GDNF: variants seen among roughly 807,000 people sequenced by gnomAD.
The protein encoded by GDNF is glial cell derived neurotrophic factor.
In GDNF, 5 loss-of-function variants were observed where a neutral mutation model predicts 13.7. That is an observed-to-expected ratio of 0.36 (90% CI 0.19 to 0.77). The LOEUF is 0.77. GDNF is among the 30% of genes least tolerant of loss of function. The probability of loss-of-function intolerance (pLI) is 0.51; values close to 1 mark genes in which losing one functional copy is unlikely to be tolerated. For synonymous variants in GDNF, 122 were observed against 112.5 expected (o/e 1.08, Z -0.53); for missense variants, 246 against 274.3 (o/e 0.90, Z 0.73).
At chr5:37,824,065 AATC>A in intron 2 of GDNF, 2 of 982,710 alleles carry the variant, frequency 2.0e-6, no homozygotes, top group Non-Finnish European at 2.4e-6. Flanking sequence ...TCTTCTCTTA[AATC>A]ATCAAGTCAT....
Position 37,815,267 on chromosome 5 carries a change from C to T in GDNF, c.*384G>A, listed in dbSNP as rs1448493086. 12 of 303,870 alleles carry T rather than the reference C, an allele frequency of 3.9e-5. No individual in the cohort carries two copies. Among genetic ancestry groups the T allele is most frequent in the Non-Finnish European group, 6.3e-5 (10 of 158,602 alleles). 18.8% of individuals were successfully genotyped at this position (303,870 alleles called of 1,614,324 possible). A position where few individuals can be genotyped will look rare whatever the true frequency, so the allele number is the denominator to read the frequency against. On this transcript the variant is annotated 3_prime_UTR_variant, in exon 3 of 3. Transcript: ENST00000326524. This position sits in a 1 kb window ranked among gnomAD's most constrained non-coding sequence, Gnocchi z 5.0. ...ACATGAAAACAAATCACAGGAGATA[C>T]ACTGGTTTGGTTCAAGTGCATCCAC...
At chr5:37,831,180 T>C (rs1750511310) in intron 2 of GDNF, among the ~76,000 whole-genome samples, 1 of 151,358 alleles carries the variant, frequency 6.6e-6, no homozygotes, top group East Asian at 1.9e-4. Context: ...CTCAATGTCA[T>C]TTTAGTTGGT....
At chr5:37,818,066 G>A (rs1749996957) in intron 2 of GDNF, among the ~76,000 whole-genome samples, 1 of 152,034 alleles carries the variant, frequency 6.6e-6, no homozygotes, top group Non-Finnish European at 1.5e-5. Context: ...AGCTACCCTG[G>A]CTTCCTTACC....
rs1038316470 is a variant in GDNF, at chr5:37,838,108, T to G, written c.-27+1399A>C. ...GACTGACAGAGGACTTATTCTCCCCTCAACCCCCCATAACTGCGGGGCCCA... is the reference window on the plus strand; with the variant it reads ...GACTGACAGAGGACTTATTCTCCCCGCAACCCCCCATAACTGCGGGGCCCA... On this transcript the variant is annotated intron_variant, in intron 1 of 2. Coordinates refer to ENST00000326524, the MANE Select transcript of GDNF (RefSeq NM_000514.4). This position sits in a 1 kb window ranked among gnomAD's most constrained non-coding sequence, Gnocchi z 4.1. 6.7e-6 allele frequency among the ~76,000 whole-genome samples: 1 copy of G among 148,658 alleles called. No individual in the cohort carries two copies. The highest frequency in any genetic ancestry group is 2.5e-5 in the African/African-American group (1 of 40,464).
At chr5:37,816,736 C>G (rs937827450) in intron 2 of GDNF, among the ~76,000 whole-genome samples, 2 of 152,182 alleles carry the variant, frequency 1.3e-5, no homozygotes, top group Non-Finnish European at 2.9e-5. Context: ...TCCACTATGG[C>G]TACCTTCATC....
Position 37,834,888 on chromosome 5 carries a change from G to T in GDNF, c.-26-66C>A, listed in dbSNP as rs1750649869. ...TGCACGTTAAGCCTGGGCTCCCTGCGGGTCCCTGCGCCCCTCTCCAACCTC... is the reference window on the plus strand; with the variant it reads ...TGCACGTTAAGCCTGGGCTCCCTGCTGGTCCCTGCGCCCCTCTCCAACCTC... On this transcript the variant is annotated intron_variant, in intron 1 of 2. Transcript: ENST00000326524. 7 of 1,447,264 alleles carry T rather than the reference G, an allele frequency of 4.8e-6. 1 individual carries two copies. The South Asian group carries it at 8.4e-5, about 17-fold the overall frequency. 89.7% of individuals were successfully genotyped at this position (1,447,264 alleles called of 1,614,324 possible).
chr5:37,832,818 A>T (rs569908998), intron 2 of GDNF, among the ~76,000 whole-genome samples: 1 of 152,360 alleles, frequency 6.6e-6, no homozygotes, highest in South Asian at 2.1e-4. Flanking sequence ...GCCACACCCC[A>T]AACCAACTAA....
In GDNF at chr5:37,838,683, T is replaced by C. The variant is rs571982732; in HGVS notation, c.-27+824A>G. 1.1e-4 allele frequency among the ~76,000 whole-genome samples: 16 copies of C among 152,258 alleles called. No homozygotes were observed. The highest frequency in any genetic ancestry group is 2.1e-4 in the Non-Finnish European group (14 of 68,010). On this transcript the variant is annotated intron_variant, in intron 1 of 2. Transcript: ENST00000326524. This position sits in a 1 kb window ranked among gnomAD's most constrained non-coding sequence, Gnocchi z 4.1. ...CCCGAAGAGGGTTCGTTTTTCTTCG[T>C]TGGGGCAGGAAACAAACCACCAGTG...
At chr5:37,825,242 C>G (rs573476272) in intron 2 of GDNF, among the ~76,000 whole-genome samples, 10 of 152,344 alleles carry the variant, frequency 6.6e-5, no homozygotes, top group African/African-American at 2.2e-4. Flanking sequence ...AAACCCCACT[C>G]AGGGAGAGAC....
At chr5:37,817,683 G>A (rs577673792) in intron 2 of GDNF, among the ~76,000 whole-genome samples, 27 of 151,888 alleles carry the variant, frequency 1.8e-4, no homozygotes, top group Non-Finnish European at 3.4e-4. Flanking sequence ...ATTGGAATCC[G>A]TAGAATGCCT....
intron 2 of GDNF, among the ~76,000 whole-genome samples, chr5:37,832,751 C>A (rs372212311): frequency 1.3e-5 from 2 of 152,286 alleles, no homozygotes; most frequent in East Asian, 3.9e-4. Flanking sequence ...CATGGTGATT[C>A]AAGTCTGGTT....
chr5:37,828,270 G>A (rs1440278869), intron 2 of GDNF, among the ~76,000 whole-genome samples: 2 of 152,182 alleles, frequency 1.3e-5, no homozygotes, highest in Non-Finnish European at 2.9e-5. Flanking sequence ...TTGCTTTGTT[G>A]CAAAGAGTTA....
chr5:37,831,957 T>C (rs1231731805), intron 2 of GDNF, among the ~76,000 whole-genome samples: 1 of 152,222 alleles, frequency 6.6e-6, no homozygotes, highest in Admixed American at 6.5e-5. Flanking sequence ...TCCTGAGCCA[T>C]TTACTTTACA....
chr5:37,825,370 C>G (rs755360437), intron 2 of GDNF, among the ~76,000 whole-genome samples: 5 of 152,114 alleles, frequency 3.3e-5, no homozygotes, highest in Non-Finnish European at 7.3e-5. Context: ...GCACAGTCCC[C>G]CTGGGTGGAA....
At chr5:37,833,970 G>GT (rs1279219512) in intron 2 of GDNF, among the ~76,000 whole-genome samples, 5 of 152,288 alleles carry the variant, frequency 3.3e-5, no homozygotes, top group Admixed American at 6.5e-5. Context: ...AATAACCTGG[G>GT]TTTTTTTCTC....
chr5:37,825,659 G>A (rs1750286679), intron 2 of GDNF, among the ~76,000 whole-genome samples: 1 of 152,192 alleles, frequency 6.6e-6, no homozygotes, highest in Non-Finnish European at 1.5e-5. Flanking sequence ...GGGTGGTGGA[G>A]TCTCTCCTTT....
intron 2 of GDNF, among the ~76,000 whole-genome samples, chr5:37,820,777 T>A (rs911886864): frequency 3.3e-5 from 5 of 152,194 alleles, no homozygotes; most frequent in African/African-American, 1.2e-4. Context: ...TATTATTTTT[T>A]AAAGTCTTCC....
intron 2 of GDNF, among the ~76,000 whole-genome samples, chr5:37,820,329 A>C (rs1750088948): frequency 2.0e-5 from 3 of 152,224 alleles, no homozygotes; most frequent in Admixed American, 1.3e-4. Context: ...TTACAATCAT[A>C]AGGATTTGAA....
At chr5:37,831,004 A>G (rs1025049570) in intron 2 of GDNF, among the ~76,000 whole-genome samples, 4 of 152,234 alleles carry the variant, frequency 2.6e-5, no homozygotes, top group Non-Finnish European at 5.9e-5. Flanking sequence ...CAGTTCAGTT[A>G]TATCGTGGTT....
Sources: allele counts gnomAD v4.1 joint callset (sites outside exome capture counted in the v4.1 genomes callset), GRCh38; gene constraint gnomAD v4.1.1; non-coding constraint Gnocchi (gnomAD v3.1); transcripts MANE v1.5; gene names NCBI Gene and HGNC (gene_info 2026-07-23, HGNC 2026-07-21).